AKAP6: variants seen among roughly 807,000 people sequenced by gnomAD.
AKAP6 encodes the protein A-kinase anchor protein 6.
A neutral mutation model predicts 188.5 loss-of-function variants in AKAP6; 58 were observed. That is an observed-to-expected ratio of 0.31 (90% confidence interval 0.25 to 0.38). The LOEUF (loss-of-function observed/expected upper bound fraction) is 0.38, where lower values mean the gene tolerates loss of function less well. AKAP6 is among the 10% of genes least tolerant of loss of function. The probability of loss-of-function intolerance (pLI) is 1.00; values close to 1 mark genes in which losing one functional copy is unlikely to be tolerated. For synonymous variants in AKAP6, 989 were observed against 998.6 expected, an observed-to-expected ratio of 0.99 and a Z score of 0.18; for missense variants, 2,710 against 2,740.0, an observed-to-expected ratio of 0.99 and a Z score of 0.24.
At position 32,340,376 on chromosome 14, in the gene AKAP6, T is replaced by C. The variant is rs983111677; in HGVS notation, c.-35+10968T>C. On this transcript the variant is annotated intron_variant, in intron 1 of 13. Coordinates refer to ENST00000280979, the MANE Select transcript of AKAP6 (RefSeq NM_004274.5). ...GTGTTCAAATAGCATGTTATTCTAA[T>C]CTATTTCAGAGAGCACTGGACTGGG... is the stretch of plus-strand genomic sequence containing the variant. Among the ~76,000 whole-genome samples, 4 of 152,214 alleles carry C rather than the reference T, an allele frequency of 2.6e-5. No individual in the cohort carries two copies. In the East Asian group the frequency reaches 7.7e-4, roughly 29 times the overall value.
Position 32,735,771 on chromosome 14 carries a change from C to G in AKAP6, c.3261C>G (p.Ile1087Met). Residue 1087 changes from isoleucine to methionine, a missense_variant, in exon 11 of 14, where the codon ATC becomes ATG. Physicochemically the swap from Ile to Met is conservative, Grantham distance 10 (BLOSUM62 1). Transcript: ENST00000280979. The stretch of plus-strand genomic sequence containing the variant: ...TGGTAAGGCAGCTGGAGGTCAGGAT[C>G]AAAGAACTGAAAGGATGGCTAAGAG... ...GSLVRQLEVR[I>M]KELKGWLRDT... 1.9e-6 allele frequency: 3 copies of G among 1,613,338 alleles called. No individual in the cohort carries two copies. The highest frequency in any genetic ancestry group is 2.5e-6 in the Non-Finnish European group (3 of 1,179,724).
intron 1 of AKAP6, among the ~76,000 whole-genome samples, chr14:32,406,172 A>G (rs1251066236): frequency 2.6e-5 from 4 of 152,120 alleles, no homozygotes; most frequent in African/African-American, 9.7e-5. Context: ...AAGCTCTCTG[A>G]ATTAGCTTCC....
intron 7 of AKAP6, among the ~76,000 whole-genome samples, chr14:32,602,241 A>T (rs1350688883): frequency 6.6e-6 from 1 of 152,188 alleles, no homozygotes; most frequent in Admixed American, 6.5e-5. Context: ...CGACACAGTT[A>T]AAAACTTGTT....
chr14:32,450,953 G>A (rs1890917102), intron 2 of AKAP6, among the ~76,000 whole-genome samples: 1 of 152,110 alleles, frequency 6.6e-6, no homozygotes, highest in Non-Finnish European at 1.5e-5. Context: ...ATAGTAAAAT[G>A]TTGAAAATAA....
At chr14:32,664,728 G>T (rs1407396145) in intron 7 of AKAP6, among the ~76,000 whole-genome samples, 1 of 152,006 alleles carries the variant, frequency 6.6e-6, no homozygotes, top group Non-Finnish European at 1.5e-5. Context: ...AGCTTCTGAA[G>T]CTCTGTGATC....
At chr14:32,537,175 CAA>C (rs1882720309) in intron 3 of AKAP6, among the ~76,000 whole-genome samples, 1 of 152,170 alleles carries the variant, frequency 6.6e-6, no homozygotes, top group Admixed American at 6.5e-5. Flanking sequence ...CTTGCTGTGG[CAA>C]ACTCTCCGCA....
chr14:32,825,599 G>A (rs1048103850), intron 13 of AKAP6, among the ~76,000 whole-genome samples: 5 of 152,246 alleles, frequency 3.3e-5, no homozygotes, highest in East Asian at 3.9e-4. Flanking sequence ...GCTATTGATC[G>A]ATAATTCCAA....
At chr14:32,554,330 G>A (rs1883604302) in intron 4 of AKAP6, among the ~76,000 whole-genome samples, 1 of 152,236 alleles carries the variant, frequency 6.6e-6, no homozygotes, top group Non-Finnish European at 1.5e-5. Context: ...TAAGGAAGAA[G>A]AGAGGGAGAT....
intron 5 of AKAP6, among the ~76,000 whole-genome samples, chr14:32,591,440 T>C (rs1163021123): frequency 1.4e-5 from 2 of 146,886 alleles, no homozygotes; most frequent in Non-Finnish European, 3.0e-5. Flanking sequence ...GAAAAGAATG[T>C]CAGCTTCAGT....
intron 2 of AKAP6, among the ~76,000 whole-genome samples, chr14:32,487,551 T>A (rs980395934): frequency 5.9e-5 from 9 of 152,252 alleles, no homozygotes; most frequent in African/African-American, 2.2e-4. Flanking sequence ...TGTCAATTTG[T>A]CAATCTCATT....
Position 32,831,203 on chromosome 14 carries a change from A to G in AKAP6, c.*1398A>G, listed in dbSNP as rs1384952382. 1 of 152,182 alleles carries G rather than the reference A, an allele frequency of 6.6e-6. No individual in the cohort carries two copies. 9.4% of individuals were successfully genotyped at this position (152,182 alleles called of 1,614,324 possible). On this transcript the variant is annotated 3_prime_UTR_variant, in exon 14 of 14. Coordinates refer to ENST00000280979, the MANE Select transcript of AKAP6 (RefSeq NM_004274.5). Reference sequence around the variant, plus strand: ...TGACTATTATTTATAGATTTCAGGTATATTTATATGTGTAAAAGAAATTGA... The same window carrying G: ...TGACTATTATTTATAGATTTCAGGTGTATTTATATGTGTAAAAGAAATTGA...
intron 2 of AKAP6, among the ~76,000 whole-genome samples, chr14:32,532,606 T>G (rs1882472506): frequency 1.3e-5 from 2 of 152,222 alleles, no homozygotes; most frequent in African/African-American, 4.8e-5. Flanking sequence ...TGTAACATTT[T>G]GTATTGCAGG....
At chr14:32,669,027 G>A (rs1466433872) in intron 7 of AKAP6, among the ~76,000 whole-genome samples, 1 of 152,032 alleles carries the variant, frequency 6.6e-6, no homozygotes, top group Admixed American at 6.6e-5. Flanking sequence ...CAATATCTTT[G>A]AAGTATAATA....
chr14:32,359,912 T>C (rs944559328), intron 1 of AKAP6, among the ~76,000 whole-genome samples: 3 of 152,160 alleles, frequency 2.0e-5, no homozygotes, highest in Non-Finnish European at 2.9e-5. Flanking sequence ...ACAGTTAATA[T>C]GGTATTTGTC....
At chr14:32,818,189 G>A (rs1184737654) in intron 12 of AKAP6, among the ~76,000 whole-genome samples, 1 of 152,104 alleles carries the variant, frequency 6.6e-6, no homozygotes, top group Non-Finnish European at 1.5e-5. Flanking sequence ...TGCCATACAA[G>A]AAATTTTCAG....
intron 9 of AKAP6, among the ~76,000 whole-genome samples, chr14:32,717,543 C>T (rs887095654): frequency 6.6e-6 from 1 of 151,912 alleles, no homozygotes; most frequent in Non-Finnish European, 1.5e-5. Context: ...CTATGCATCT[C>T]CATCATTACA....
chr14:32,606,469 A>G (rs892708474), intron 7 of AKAP6, among the ~76,000 whole-genome samples: 1 of 152,218 alleles, frequency 6.6e-6, no homozygotes, highest in Non-Finnish European at 1.5e-5. Context: ...CAGGTGTCTT[A>G]TAATGGAGAC....
At chr14:32,537,174 G>A (rs932755501) in intron 3 of AKAP6, among the ~76,000 whole-genome samples, 4 of 152,110 alleles carry the variant, frequency 2.6e-5, no homozygotes, top group Non-Finnish European at 4.4e-5. Context: ...TCTTGCTGTG[G>A]CAAACTCTCC....
chr14:32,513,017 T>G (rs1881336608), intron 2 of AKAP6, among the ~76,000 whole-genome samples: 2 of 152,192 alleles, frequency 1.3e-5, no homozygotes, highest in African/African-American at 4.8e-5. Flanking sequence ...AAGGGAGGAC[T>G]AAGTTCTCAG....
Sources: allele counts gnomAD v4.1 joint callset (sites outside exome capture counted in the v4.1 genomes callset), GRCh38; gene constraint gnomAD v4.1.1; transcripts MANE v1.5; gene names NCBI Gene and HGNC (gene_info 2026-07-23, HGNC 2026-07-21).